ARB2A: variants seen among roughly 807,000 people sequenced by gnomAD.
ARB2A encodes the protein cotranscriptional regulator ARB2A.
the ARB2A span, among the ~76,000 whole-genome samples, chr5:93,855,499 T>C: frequency 6.6e-6 from 1 of 152,170 alleles, no homozygotes; most frequent in Non-Finnish European, 1.5e-5. Context: ...GATCCTGTCA[T>C]TATGATGTTA....
At chr5:93,752,307 A>G in the ARB2A span, among the ~76,000 whole-genome samples, 2 of 152,360 alleles carry the variant, frequency 1.3e-5, no homozygotes, top group Admixed American at 1.3e-4. Flanking sequence ...CCATGAAGCT[A>G]TTCCTATGGG....
the ARB2A span, among the ~76,000 whole-genome samples, chr5:93,663,651 A>T: frequency 1.3e-5 from 2 of 152,198 alleles, no homozygotes; most frequent in African/African-American, 4.8e-5. Context: ...CGCCCTTCAC[A>T]TCTCAACTGG....
At chr5:94,071,911 C>T in the ARB2A span, among the ~76,000 whole-genome samples, 1 of 152,078 alleles carries the variant, frequency 6.6e-6, no homozygotes, top group South Asian at 2.1e-4. Flanking sequence ...AAAACTTATA[C>T]ATGAATACAC....
the ARB2A span, among the ~76,000 whole-genome samples, chr5:93,756,344 C>T: frequency 1.3e-5 from 2 of 152,170 alleles, no homozygotes; most frequent in Admixed American, 6.5e-5. Context: ...AGGGCCCTGC[C>T]CACCGCTGGT....
At chr5:93,995,751 C>G in the ARB2A span, among the ~76,000 whole-genome samples, 1 of 152,156 alleles carries the variant, frequency 6.6e-6, no homozygotes, top group African/African-American at 2.4e-5. Context: ...CTATCGTTAA[C>G]AATACTGTAT....
At chr5:94,074,486 G>T in the ARB2A span, among the ~76,000 whole-genome samples, 1 of 152,172 alleles carries the variant, frequency 6.6e-6, no homozygotes, top group African/African-American at 2.4e-5. Context: ...ATACATCTCA[G>T]ATGCAGTAAT....
At chr5:93,784,165 A>G in the ARB2A span, 5 of 464,026 alleles carry the variant, frequency 1.1e-5, no homozygotes, top group African/African-American at 1.0e-4. Flanking sequence ...AGTGTTCTAT[A>G]GAAAACCAAA....
chr5:93,925,520 G>C, the ARB2A span, among the ~76,000 whole-genome samples: 4 of 152,164 alleles, frequency 2.6e-5, no homozygotes, highest in African/African-American at 7.2e-5. Flanking sequence ...CTGGGTATGT[G>C]GGACAAAGGG....
At chr5:94,086,649 T>C in the ARB2A span, among the ~76,000 whole-genome samples, 1 of 152,188 alleles carries the variant, frequency 6.6e-6, no homozygotes, top group Non-Finnish European at 1.5e-5. Flanking sequence ...GCCTCCTGGA[T>C]TCAAGCGATT....
the ARB2A span, among the ~76,000 whole-genome samples, chr5:94,018,047 C>T: frequency 3.9e-5 from 6 of 152,184 alleles, no homozygotes; most frequent in Non-Finnish European, 7.4e-5. Context: ...CTTCCTCCTA[C>T]CACCATGATT....
chr5:93,798,382 T>C, the ARB2A span, among the ~76,000 whole-genome samples: 1 of 152,156 alleles, frequency 6.6e-6, no homozygotes, highest in East Asian at 1.9e-4. Context: ...TTCAATTAAA[T>C]GTTTCTAGAA....
At chr5:93,924,814 G>T in the ARB2A span, among the ~76,000 whole-genome samples, 2 of 152,244 alleles carry the variant, frequency 1.3e-5, no homozygotes, top group African/African-American at 4.8e-5. Flanking sequence ...CATTGTTAAA[G>T]TATTACATAA....
chr5:93,991,783 T>C, the ARB2A span, among the ~76,000 whole-genome samples: 1 of 151,924 alleles, frequency 6.6e-6, no homozygotes, highest in African/African-American at 2.4e-5. Context: ...AGTGGGACAA[T>C]GACAATAAGT....
At chr5:93,813,760 T>G in the ARB2A span, among the ~76,000 whole-genome samples, 1 of 152,166 alleles carries the variant, frequency 6.6e-6, no homozygotes, top group Non-Finnish European at 1.5e-5. Flanking sequence ...CAAATGTTTG[T>G]TGTATAAGCC....
chr5:94,019,127 G>A, the ARB2A span, among the ~76,000 whole-genome samples: 1 of 152,078 alleles, frequency 6.6e-6, no homozygotes, highest in Non-Finnish European at 1.5e-5. Context: ...ACTGAAAATG[G>A]ACCCCTTCCT....
At chr5:93,684,065 C>T in the ARB2A span, among the ~76,000 whole-genome samples, 757 of 152,276 alleles carry the variant, frequency 5.0e-3, 6 homozygotes, top group African/African-American at 0.017. Flanking sequence ...AAGGTGTAAG[C>T]CATGATAGCA....
At chr5:94,009,304 A>T in the ARB2A span, among the ~76,000 whole-genome samples, 5 of 152,088 alleles carry the variant, frequency 3.3e-5, no homozygotes, top group Non-Finnish European at 5.9e-5. Flanking sequence ...TAAAAAGAAC[A>T]GCCCCCACCT....
At chr5:93,834,551 GA>G in the ARB2A span, among the ~76,000 whole-genome samples, 1 of 152,130 alleles carries the variant, frequency 6.6e-6, no homozygotes, top group East Asian at 1.9e-4. Context: ...CAGTGTTTAA[GA>G]AAGCTAGATT....
the ARB2A span, among the ~76,000 whole-genome samples, chr5:94,013,379 T>C: frequency 6.6e-6 from 1 of 152,088 alleles, no homozygotes; most frequent in Non-Finnish European, 1.5e-5. Flanking sequence ...AGTTTCACCA[T>C]CTTGGCCAGG....
Sources: gnomAD v4.1 joint callset for allele counts (sites outside exome capture counted in the v4.1 genomes callset) on GRCh38, gnomAD v4.1.1 for gene constraint, MANE v1.5 for transcripts, NCBI Gene and HGNC (gene_info 2026-07-23, HGNC 2026-07-21) for gene names.